The following MAP3K15 variants were observed in gnomAD, a reference collection of about 807,000 sequenced individuals.
MAP3K15 encodes the protein MAPK/ERK kinase kinase 15.
Under a neutral mutation model 99.5 loss-of-function variants are expected in MAP3K15, and 124 were observed. That is an observed-to-expected ratio of 1.25 (90% CI 1.08 to 1.45). The LOEUF (loss-of-function observed/expected upper bound fraction) is 1.45, where lower values mean the gene tolerates loss of function less well. Among genes scored for constraint, MAP3K15 ranks in the 40% most tolerant of loss-of-function variants. The pLI, the probability that MAP3K15 is intolerant of heterozygous loss-of-function variation, is 0.00. For synonymous variants in MAP3K15, 494 were observed against 439.6 expected (o/e 1.12, Z -1.55); for missense variants, 1,242 against 1,079.7 (o/e 1.15, Z -2.11).
intron 24 of MAP3K15, 74 bp downstream of exon 24, chrX:19,370,885 A>T: frequency 1.3e-6 from 1 of 776,788 alleles, no homozygotes; most frequent in Non-Finnish European, 1.9e-6. Flanking sequence ...AAAAGCAACA[A>T]CTGTTGAATG....
intron 6 of MAP3K15, among the ~76,000 whole-genome samples, chrX:19,452,951 T>C (rs140806074): frequency 9.0e-6 from 1 of 111,020 alleles, no homozygotes; most frequent in East Asian, 2.8e-4. Flanking sequence ...GATTGGACAG[T>C]AGTGCTGTAC....
chrX:19,458,274 A>G (rs1018743675), intron 5 of MAP3K15, among the ~76,000 whole-genome samples: 2 of 112,602 alleles, frequency 1.8e-5, no homozygotes, highest in South Asian at 3.6e-4. Context: ...GAAGGGAAGG[A>G]CAAAAAGCAG....
At chrX:19,508,060 G>A (rs2064491930) in intron 1 of MAP3K15, among the ~76,000 whole-genome samples, 1 of 110,966 alleles carries the variant, frequency 9.0e-6, no homozygotes, top group African/African-American at 3.3e-5. Flanking sequence ...TAGAGACAGG[G>A]TTTCACCATG....
intron 6 of MAP3K15, among the ~76,000 whole-genome samples, chrX:19,445,989 A>AAT (rs2147334894): frequency 1.9e-5 from 1 of 52,361 alleles, no homozygotes; most frequent in East Asian, 7.8e-4. Flanking sequence ...AATAAATATT[A>AAT]ATCAGCCAGC....
rs929147284 is a variant in MAP3K15, at chrX:19,371,290, T to C, written c.3294+55A>G. Reference sequence around the variant, plus strand: ...AAGAGATGGGGGCTATGGGAGGAGGTGGTAACTGAATTCCAAGATCTGGTG... The same window carrying C: ...AAGAGATGGGGGCTATGGGAGGAGGCGGTAACTGAATTCCAAGATCTGGTG... On this transcript the variant is annotated intron_variant, in intron 23 of 28. Transcript: ENST00000338883. 3.6e-6 allele frequency: 4 copies of C among 1,111,603 alleles called. No individual in the cohort carries two copies. In the African/African-American group the frequency reaches 7.3e-5, roughly 20 times the overall value. The allele number at this position is 1,111,603 out of a possible 1,213,427, so 91.6% of individuals were successfully genotyped here.
intron 4 of MAP3K15, 35 bp downstream of exon 4, chrX:19,464,178 G>A (rs975785527): frequency 8.0e-6 from 9 of 1,118,282 alleles, no homozygotes; most frequent in Non-Finnish European, 1.1e-5. Flanking sequence ...ATCTTGGTGA[G>A]TCTCCAGGGG....
At position 19,488,995 on chromosome X, in the gene MAP3K15, TA is replaced by T. The variant is rs1310139053; in HGVS notation, c.362-29del. 9 of 1,181,722 alleles carry T rather than the reference TA, an allele frequency of 7.6e-6. No homozygotes were observed. The African/African-American group carries it at 1.4e-4, about 19-fold the overall frequency. Reference sequence around the variant, plus strand: ...GCAATGAACAAGGAGAGGACAGGATTAGGGGAGATGATCTGTCTACTTCATC... The same window carrying T: ...GCAATGAACAAGGAGAGGACAGGATTGGGGAGATGATCTGTCTACTTCATC... On this transcript the variant is annotated intron_variant, in intron 1 of 28. Transcript: ENST00000338883.
intron 6 of MAP3K15, 86 bp downstream of exon 6, chrX:19,456,827 G>A (rs1053625683): frequency 4.5e-6 from 3 of 664,810 alleles, no homozygotes; most frequent in Non-Finnish European, 4.6e-6. Context: ...ACGTGACCTG[G>A]CTCATACCCG....
At chrX:19,430,351 C>T (rs1313056010) in intron 7 of MAP3K15, among the ~76,000 whole-genome samples, 2 of 111,582 alleles carry the variant, frequency 1.8e-5, no homozygotes, top group Non-Finnish European at 3.8e-5. Context: ...CAGTAGCCAA[C>T]ACCAGCTGCC....
intron 27 of MAP3K15, 27 bp downstream of exon 27, chrX:19,361,466 A>G (rs755016325): frequency 8.4e-7 from 1 of 1,195,561 alleles, no homozygotes; most frequent in Non-Finnish European, 1.1e-6. Flanking sequence ...TAACAACAGC[A>G]TAAGAATTTC....
At chrX:19,445,885 T>G (rs2063993940) in intron 6 of MAP3K15, among the ~76,000 whole-genome samples, 1 of 109,514 alleles carries the variant, frequency 9.1e-6, no homozygotes, top group Non-Finnish European at 1.9e-5. Flanking sequence ...AGGCAGAGAT[T>G]GCAGTGAGCT....
intron 18 of MAP3K15, among the ~76,000 whole-genome samples, chrX:19,386,969 C>T (rs1000378507): frequency 7.2e-5 from 8 of 111,787 alleles, no homozygotes. Flanking sequence ...TCACATCTTC[C>T]ACAGGCCCTT....
intron 9 of MAP3K15, among the ~76,000 whole-genome samples, chrX:19,422,060 C>G (rs1218627224): frequency 9.1e-6 from 1 of 110,452 alleles, no homozygotes; most frequent in Non-Finnish European, 1.9e-5. Flanking sequence ...CATGTTAGAC[C>G]TAAAACCATA....
chrX:19,504,172 G>A (rs181887722), intron 1 of MAP3K15, among the ~76,000 whole-genome samples: 188 of 110,572 alleles, frequency 1.7e-3, no homozygotes, highest in African/African-American at 5.9e-3. Context: ...ATGTATTTAG[G>A]TATTTTTAGC....
At chrX:19,388,712 T>C (rs2063507853) in intron 18 of MAP3K15, among the ~76,000 whole-genome samples, 1 of 111,840 alleles carries the variant, frequency 8.9e-6, no homozygotes, top group Non-Finnish European at 1.9e-5. Flanking sequence ...AGCTAGCAAG[T>C]GGTTGGGCCA....
chrX:19,367,479 A>C (rs2063342373), intron 25 of MAP3K15, among the ~76,000 whole-genome samples: 2 of 110,524 alleles, frequency 1.8e-5, no homozygotes, highest in African/African-American at 3.3e-5. Context: ...AAAAAAAAAA[A>C]AACTTTCAAA....
In MAP3K15 at chrX:19,488,928, G is replaced by C. The variant is rs777604739; in HGVS notation, c.401C>G (p.Pro134Arg). ...GACTCCAAGATGGTAGAAGAGGGAA[G>C]GCTGTCTGGAGACATCGCTCATGTC... ...VVDMSDVSRQ[P>R]SLFYHLGVRE... The change falls in exon 2 of 29, where the codon CCT becomes CGT. Residue 134 changes from proline to arginine, a missense_variant. Pro to Arg is a moderately radical substitution (Grantham distance 103, BLOSUM62 -2). Coordinates refer to ENST00000338883, the MANE Select transcript of MAP3K15 (RefSeq NM_001001671.4). The C allele has an allele frequency of 1.7e-6, 2 of 1,199,012 alleles. No homozygotes were observed. The highest frequency in any genetic ancestry group is 2.2e-6 in the Non-Finnish European group (2 of 894,349).
At chrX:19,388,393 A>G (rs757106503) in intron 18 of MAP3K15, among the ~76,000 whole-genome samples, 24 of 112,252 alleles carry the variant, frequency 2.1e-4, no homozygotes, top group Non-Finnish European at 3.4e-4. Context: ...TGGGAGAGAA[A>G]AATCCAGTGG....
intron 1 of MAP3K15, among the ~76,000 whole-genome samples, chrX:19,490,227 A>G (rs1257428014): frequency 1.9e-5 from 2 of 107,862 alleles, no homozygotes; most frequent in African/African-American, 6.8e-5. Context: ...TCAGTTTTGC[A>G]TGTCTTTGAA....
Sources: gnomAD v4.1 joint callset for allele counts (sites outside exome capture counted in the v4.1 genomes callset) on GRCh38, gnomAD v4.1.1 for gene constraint, MANE v1.5 for transcripts, NCBI Gene and HGNC (gene_info 2026-07-23, HGNC 2026-07-21) for gene names.